Variants in HSF2BP observed in about 807,000 individuals in gnomAD.
The protein encoded by HSF2BP is heat shock factor 2-binding protein.
A neutral mutation model predicts 35.0 loss-of-function variants in HSF2BP; 35 were observed. The ratio of observed to expected loss-of-function variants is 1.00; its 90% confidence interval spans 0.76 to 1.32. HSF2BP has a LOEUF of 1.32. Among genes scored for constraint, HSF2BP ranks in the 40% most tolerant of loss-of-function variants. The pLI, the probability that HSF2BP is intolerant of heterozygous loss-of-function variation, is 0.00. For missense variants in HSF2BP, 326 were observed against 321.7 expected, an observed-to-expected ratio of 1.01 and a Z score of -0.10; for synonymous variants, 114 against 117.4, an observed-to-expected ratio of 0.97 and a Z score of 0.18.
chr21:43,632,014 CACAT>C (rs61596517), intron 5 of HSF2BP, among the ~76,000 whole-genome samples: 1 of 125,500 alleles, frequency 8.0e-6, no homozygotes, highest in Non-Finnish European at 1.7e-5. Context: ...CACAGGCTCC[CACAT>C]ACACACACAT....
At chr21:43,605,699 A>G (rs899602784) in intron 7 of HSF2BP, among the ~76,000 whole-genome samples, 6 of 148,570 alleles carry the variant, frequency 4.0e-5, no homozygotes, top group African/African-American at 7.5e-5. Flanking sequence ...AGTCCCACAT[A>G]TACAAACACA....
At chr21:43,629,591 T>C (rs1328720829) in intron 6 of HSF2BP, among the ~76,000 whole-genome samples, 1 of 152,090 alleles carries the variant, frequency 6.6e-6, no homozygotes, top group Non-Finnish European at 1.5e-5. Context: ...AATAACAACA[T>C]TAACAGGAGT....
intron 8 of HSF2BP, among the ~76,000 whole-genome samples, chr21:43,581,738 C>A (rs1294800647): frequency 6.6e-6 from 1 of 152,226 alleles, no homozygotes; most frequent in Non-Finnish European, 1.5e-5. Flanking sequence ...ACACACCCAC[C>A]ACTAAAATCA....
intron 8 of HSF2BP, among the ~76,000 whole-genome samples, chr21:43,584,226 A>G (rs1382171814): frequency 1.3e-5 from 2 of 151,956 alleles, no homozygotes; most frequent in African/African-American, 2.4e-5. Flanking sequence ...AGGGACATGA[A>G]GACCTGATGA....
intron 8 of HSF2BP, among the ~76,000 whole-genome samples, chr21:43,580,459 T>A (rs2081710602): frequency 6.6e-6 from 1 of 152,232 alleles, no homozygotes; most frequent in African/African-American, 2.4e-5. Context: ...AAATCAAACA[T>A]TTACATTATG....
chr21:43,625,983 T>C (rs2082385177), intron 6 of HSF2BP, among the ~76,000 whole-genome samples: 1 of 152,170 alleles, frequency 6.6e-6, no homozygotes, highest in South Asian at 2.1e-4. Flanking sequence ...TGGGGTCACT[T>C]GCAAAGAGAA....
chr21:43,636,106 T>C (rs1213551464), intron 4 of HSF2BP, among the ~76,000 whole-genome samples: 1 of 150,754 alleles, frequency 6.6e-6, no homozygotes, highest in African/African-American at 2.4e-5. Flanking sequence ...GTAGGATCAC[T>C]TGAGCCTGGA....
chr21:43,637,804 C>G (rs1295301774), intron 4 of HSF2BP, among the ~76,000 whole-genome samples: 1 of 98,334 alleles, frequency 1.0e-5, no homozygotes, highest in Non-Finnish European at 2.1e-5. Context: ...GGCCCTGTCT[C>G]TGGAAAAAAA....
intron 3 of HSF2BP, among the ~76,000 whole-genome samples, chr21:43,655,894 A>G (rs1445803757): frequency 1.3e-5 from 2 of 152,200 alleles, no homozygotes; most frequent in African/African-American, 4.8e-5. Flanking sequence ...TCTTGTCTGG[A>G]CAAGTGCTAC....
At position 43,656,532 on chromosome 21, in the gene HSF2BP, A is replaced by C. The variant is rs77621460; in HGVS notation, c.187+55T>G. 7.1e-5 allele frequency: 108 copies of C among 1,526,242 alleles called. No individual in the cohort carries two copies. The African/African-American group carries it at 1.4e-3, about 19-fold the overall frequency. The allele number at this position is 1,526,242 out of a possible 1,614,324, so 94.5% of individuals were successfully genotyped here. A position where few individuals can be genotyped will look rare whatever the true frequency, so the allele number is the denominator to read the frequency against. On this transcript the variant is annotated intron_variant, in intron 3 of 8. Transcript: ENST00000291560. ...GTTTACAATTATTTACCTAGGGTAA[A>C]TCTGCTAGAACAAATTACTGTTACC...
rs565649888 is a variant in HSF2BP, at chr21:43,650,237, C to T, written c.188-5845G>A. On this transcript the variant is annotated intron_variant, in intron 3 of 8. Coordinates refer to ENST00000291560, the MANE Select transcript of HSF2BP (RefSeq NM_007031.2). ...TAATTTTTTTTTTGAGACAGAGTCTCGCTCTGTCGCCCGGGCTGGAGTGCA... is the reference window on the plus strand; with the variant it reads ...TAATTTTTTTTTTGAGACAGAGTCTTGCTCTGTCGCCCGGGCTGGAGTGCA... Among the ~76,000 whole-genome samples, 30 of 152,158 alleles carry T rather than the reference C, an allele frequency of 2.0e-4. No homozygotes were observed. The South Asian group carries it at 2.5e-3, about 13-fold the overall frequency.
Position 43,659,477 on chromosome 21 carries a change from A to G in HSF2BP, c.-316T>C, listed in dbSNP as rs944707641. ...GGCCGCTCCGCCAGCTGCCAGGGCCACTGCCGCGCTCACTCCCAGAGCGCG... is the reference window on the plus strand; with the variant it reads ...GGCCGCTCCGCCAGCTGCCAGGGCCGCTGCCGCGCTCACTCCCAGAGCGCG... On this transcript the variant is annotated 5_prime_UTR_variant, in exon 1 of 9. Coordinates refer to ENST00000291560, the MANE Select transcript of HSF2BP (RefSeq NM_007031.2). This position sits in a 1 kb window ranked among gnomAD's most constrained non-coding sequence, Gnocchi z 4.2. 10 of 443,570 alleles carry G rather than the reference A, an allele frequency of 2.3e-5. No individual in the cohort carries two copies. Among genetic ancestry groups the G allele is most frequent in the African/African-American group, 2.1e-4 (10 of 47,474 alleles). The allele number at this position is 443,570 out of a possible 1,614,324, so 27.5% of individuals were successfully genotyped here. A position where few individuals can be genotyped will look rare whatever the true frequency, so the allele number is the denominator to read the frequency against.
chr21:43,649,066 T>A (rs35110281), intron 3 of HSF2BP, among the ~76,000 whole-genome samples: 100,446 of 150,960 alleles, frequency 0.67, 33,869 homozygotes, highest in East Asian at 0.79. Flanking sequence ...ATTAAAAAAA[T>A]TTTTTTGAGA....
chr21:43,625,298 C>A (rs543808815), intron 6 of HSF2BP, among the ~76,000 whole-genome samples: 1 of 152,010 alleles, frequency 6.6e-6, no homozygotes, highest in African/African-American at 2.4e-5. Flanking sequence ...ATACATGAAG[C>A]AAGCACTTGC....
intron 7 of HSF2BP, among the ~76,000 whole-genome samples, chr21:43,611,996 T>C (rs1022826223): frequency 1.9e-4 from 29 of 152,146 alleles, no homozygotes; most frequent in Admixed American, 1.9e-3. Flanking sequence ...ACTCTGAACC[T>C]AAGATCCAGA....
At chr21:43,647,581 T>C (rs1347442284) in intron 3 of HSF2BP, among the ~76,000 whole-genome samples, 2 of 152,204 alleles carry the variant, frequency 1.3e-5, no homozygotes, top group African/African-American at 4.8e-5. Context: ...GCTGTGTCTC[T>C]TGATGCTCAA....
chr21:43,599,091 C>T (rs942546116), intron 7 of HSF2BP, among the ~76,000 whole-genome samples: 1 of 152,228 alleles, frequency 6.6e-6, no homozygotes, highest in African/African-American at 2.4e-5. Flanking sequence ...AACTGTAATA[C>T]AGGGAAACCT....
intron 3 of HSF2BP, among the ~76,000 whole-genome samples, chr21:43,656,343 A>C (rs1178922949): frequency 2.0e-5 from 3 of 152,176 alleles, no homozygotes; most frequent in East Asian, 3.8e-4. Context: ...CTGCCAATGA[A>C]GAGAGAGAGA....
At chr21:43,617,386 A>G (rs573491997) in intron 6 of HSF2BP, among the ~76,000 whole-genome samples, 3 of 151,814 alleles carry the variant, frequency 2.0e-5, no homozygotes, top group Admixed American at 6.6e-5. Context: ...ACTACAAAGT[A>G]AAATAAATGT....
Sources: gnomAD v4.1 joint callset for allele counts (sites outside exome capture counted in the v4.1 genomes callset) on GRCh38, gnomAD v4.1.1 for gene constraint, Gnocchi (gnomAD v3.1) non-coding constraint, MANE v1.5 for transcripts, NCBI Gene and HGNC (gene_info 2026-07-23, HGNC 2026-07-21) for gene names.